Variants in TOPAZ1 observed in about 807,000 individuals in gnomAD.
TOPAZ1 encodes protein TOPAZ1.
A neutral mutation model predicts 172.2 loss-of-function variants in TOPAZ1; 66 were observed. The ratio of observed to expected loss-of-function variants is 0.38; its 90% CI spans 0.31 to 0.47. TOPAZ1 has a LOEUF of 0.47. Ranked by LOEUF, TOPAZ1 falls within the 20% of genes least tolerant of loss-of-function variation. The pLI, the probability that TOPAZ1 is intolerant of heterozygous loss-of-function variation, is 0.99. For missense variants in TOPAZ1, 1,822 were observed against 1,972.4 expected (o/e 0.92, Z 1.44); for synonymous variants, 681 against 683.9 (o/e 1.00, Z 0.07).
chr3:44,321,690 CAG>C (rs1189685536), intron 17 of TOPAZ1, among the ~76,000 whole-genome samples: 2 of 152,180 alleles, frequency 1.3e-5, no homozygotes, highest in African/African-American at 4.8e-5. Flanking sequence ...GTGATAGGTT[CAG>C]AGGATGACGA....
At chr3:44,282,122 A>G (rs530484118) in intron 9 of TOPAZ1, 91 bp downstream of exon 9, 117 of 825,770 alleles carry the variant, frequency 1.4e-4, no homozygotes, top group Non-Finnish European at 2.0e-4. Flanking sequence ...AAGTTTGAAA[A>G]CTGAATGCCT....
intron 19 of TOPAZ1, among the ~76,000 whole-genome samples, chr3:44,331,473 ACAT>A (rs1420831087): frequency 1.3e-5 from 2 of 152,078 alleles, no homozygotes; most frequent in Admixed American, 1.3e-4. Context: ...CTACAGGCGC[ACAT>A]CACCATACCC....
At chr3:44,266,226 A>G (rs766655849) in intron 5 of TOPAZ1, among the ~76,000 whole-genome samples, 15 of 152,306 alleles carry the variant, frequency 9.8e-5, no homozygotes, top group Non-Finnish European at 1.6e-4. Flanking sequence ...GGCTTAAGGG[A>G]ATGTTGTGAC....
chr3:44,301,894 T>A (rs1700276064), intron 12 of TOPAZ1, among the ~76,000 whole-genome samples: 1 of 152,212 alleles, frequency 6.6e-6, no homozygotes, highest in South Asian at 2.1e-4. Flanking sequence ...TTCTCAGTTT[T>A]GAGTCAAGGT....
At chr3:44,330,845 C>T (rs1700659818) in intron 19 of TOPAZ1, among the ~76,000 whole-genome samples, 2 of 152,220 alleles carry the variant, frequency 1.3e-5, no homozygotes, top group Non-Finnish European at 2.9e-5. Context: ...CAGGTCAGTG[C>T]AGTCACAATT....
intron 4 of TOPAZ1, among the ~76,000 whole-genome samples, chr3:44,257,352 G>GGGGGGTGTGTGT (rs1264696203): frequency 2.7e-5 from 3 of 110,386 alleles, no homozygotes; most frequent in African/African-American, 1.2e-4. Context: ...AAAACATAGG[G>GGGGGGTGTGTGT]GTGTGTGTGT....
intron 12 of TOPAZ1, among the ~76,000 whole-genome samples, chr3:44,301,562 C>G (rs1377044969): frequency 6.6e-6 from 1 of 152,110 alleles, no homozygotes; most frequent in South Asian, 2.1e-4. Context: ...CAATGTTTGC[C>G]AATCTATTAG....
At chr3:44,278,376 A>G (rs1341503914) in intron 8 of TOPAZ1, among the ~76,000 whole-genome samples, 1 of 152,202 alleles carries the variant, frequency 6.6e-6, no homozygotes, top group African/African-American at 2.4e-5. Context: ...TTATCAGGGT[A>G]ATGCTGGCAT....
chr3:44,246,198 A>G (rs1043062380), intron 2 of TOPAZ1, among the ~76,000 whole-genome samples: 13 of 152,354 alleles, frequency 8.5e-5, no homozygotes, highest in South Asian at 6.2e-4. Context: ...AGTTTGCCCA[A>G]TGCAACTTTA....
Position 44,243,731 on chromosome 3 carries a change from G to A in TOPAZ1, c.1225G>A (p.Glu409Lys). The A allele has an allele frequency of 1.3e-6, 2 of 1,551,400 alleles. No individual in the cohort carries two copies. The highest frequency in any genetic ancestry group is 1.7e-6 in the Non-Finnish European group (2 of 1,146,954). The change falls in exon 2 of 20, where the codon GAA becomes AAA. Residue 409 changes from glutamate (E) to lysine (K), a missense_variant. By Grantham distance (56) the Glu-to-Lys change is moderately conservative. Transcript: ENST00000309765. The stretch of plus-strand genomic sequence containing the variant: ...AACAGTAGAAAAAGAAACAAGTTCT[G>A]AACATCATGTAAATGCTGTGTTTCA... ...PETVEKETSS[E>K]HHVNAVFQKT...
downstream of TOPAZ1, among the ~76,000 whole-genome samples, chr3:44,335,486 C>T (rs145572444): frequency 5.6e-4 from 85 of 152,114 alleles, no homozygotes; most frequent in East Asian, 0.01. Flanking sequence ...TAGCTGGGCG[C>T]GGTGGTGCAC....
At chr3:44,242,787 C>A (rs915724945) in intron 1 of TOPAZ1, 66 bp from the exon 2 acceptor site, 8 of 1,255,204 alleles carry the variant, frequency 6.4e-6, no homozygotes, top group Admixed American at 3.3e-5. Context: ...TTTTTAATTT[C>A]AATGATAATT....
chr3:44,245,530 CTTTTT>C (rs531158571), intron 2 of TOPAZ1, among the ~76,000 whole-genome samples: 3,380 of 82,920 alleles, frequency 0.041, 114 homozygotes, highest in African/African-American at 0.093. Context: ...CATAGAGTGG[CTTTTT>C]TTTTTTTTTT....
chr3:44,276,564 G>C (rs900357098), intron 8 of TOPAZ1, among the ~76,000 whole-genome samples: 6 of 113,620 alleles, frequency 5.3e-5, no homozygotes, highest in African/African-American at 2.1e-4. Context: ...ATGCTTTTTT[G>C]TTTACTGTAT....
intron 12 of TOPAZ1, among the ~76,000 whole-genome samples, chr3:44,299,493 C>G (rs1469061950): frequency 6.6e-6 from 1 of 151,834 alleles, no homozygotes; most frequent in East Asian, 2.0e-4. Flanking sequence ...AACACTTTTA[C>G]ACTGTTGGTG....
Position 44,243,633 on chromosome 3 carries a change from G to C in TOPAZ1, c.1127G>C (p.Ser376Thr), listed in dbSNP as rs374160634. Residue 376 changes from serine (S) to threonine (T), a missense_variant, in exon 2 of 20, where the codon AGT becomes ACT. Physicochemically the swap from Ser to Thr is moderately conservative, Grantham distance 58. Around this residue, in one of 2 missense-constraint regions of TOPAZ1, gnomAD observed 1,489 missense variants for 1,490.8 expected, o/e 1.00. Coordinates refer to ENST00000309765, the MANE Select transcript of TOPAZ1 (RefSeq NM_001145030.2). ...GATGGTAAAGAAGCAGAGACTAAAA[G>C]TCCTTTAAATGTTTTGAGAAAAGTA... ...IADGKEAETK[S>T]PLNVLRKVSH... 412 of 1,549,982 alleles carry C rather than the reference G, an allele frequency of 2.7e-4. 5 individuals are homozygous for C. The South Asian group carries it at 3.8e-3, about 14-fold the overall frequency.
chr3:44,279,953 G>A (rs1700004165), intron 8 of TOPAZ1, among the ~76,000 whole-genome samples: 1 of 151,846 alleles, frequency 6.6e-6, no homozygotes, highest in East Asian at 1.9e-4. Context: ...TTTCTTGTTT[G>A]TATGCTCTGC....
chr3:44,292,757 A>G (rs1700151999), intron 12 of TOPAZ1, among the ~76,000 whole-genome samples: 1 of 152,202 alleles, frequency 6.6e-6, no homozygotes, highest in African/African-American at 2.4e-5. Flanking sequence ...TGGGATATTC[A>G]TCACCTCAAA....
chr3:44,332,527 A>G (rs1700681949), downstream of TOPAZ1, among the ~76,000 whole-genome samples: 1 of 152,184 alleles, frequency 6.6e-6, no homozygotes, highest in Admixed American at 6.5e-5. Flanking sequence ...CCTTTAGTGT[A>G]TCTTGGAATA....
Sources: gnomAD v4.1 joint callset for allele counts (sites outside exome capture counted in the v4.1 genomes callset) on GRCh38, gnomAD v4.1.1 for gene constraint, gnomAD v4.1.1 regional missense constraint, MANE v1.5 for transcripts, NCBI Gene and HGNC (gene_info 2026-07-23, HGNC 2026-07-21) for gene names.